Variants in DNM2 observed in about 807,000 individuals in gnomAD.
DNM2 encodes dynamin 2.
In DNM2, 15 loss-of-function variants were observed where a neutral mutation model predicts 99.0. The ratio of observed to expected loss-of-function variants is 0.15; its 90% confidence interval spans 0.10 to 0.23. DNM2 has a LOEUF of 0.23. DNM2 is among the 10% of genes least tolerant of loss of function. The pLI, the probability that DNM2 is intolerant of heterozygous loss-of-function variation, is 1.00. For synonymous variants in DNM2, 525 were observed against 481.2 expected, an observed-to-expected ratio of 1.09 and a Z score of -1.19; for missense variants, 742 against 1,189.4, an observed-to-expected ratio of 0.62 and a Z score of 5.53.
chr19:10,797,114 TCCG>T (rs2071962474), intron 9 of DNM2, among the ~76,000 whole-genome samples: 1 of 152,058 alleles, frequency 6.6e-6, no homozygotes, highest in South Asian at 2.1e-4. Context: ...GTTAGAGGAC[TCCG>T]CACACCTTGG....
chr19:10,733,193 T>G (rs1181281716), intron 1 of DNM2, among the ~76,000 whole-genome samples: 1 of 21,444 alleles, frequency 4.7e-5, no homozygotes, highest in Non-Finnish European at 1.1e-4. Context: ...CTGGTGTGGT[T>G]TTTTTTTTTT....
Position 10,831,173 on chromosome 19 carries a change from C to G in DNM2, c.*126C>G. ...CCCAGTGGGCAGCCCTGGCCTCTTC[C>G]TTAACGCTGGCCCCGGTCCAGGGCC... On this transcript the variant is annotated 3_prime_UTR_variant, in exon 21 of 21. Coordinates refer to ENST00000389253, the MANE Select transcript of DNM2 (RefSeq NM_001005361.3). The surrounding 1 kb of genome is among the most constrained non-coding windows in gnomAD (Gnocchi z 4.3). 7.0e-7 allele frequency: 1 copy of G among 1,426,602 alleles called. No homozygotes were observed. The highest frequency in any genetic ancestry group is 9.2e-7 in the Non-Finnish European group (1 of 1,092,746). 88.4% of individuals were successfully genotyped at this position (1,426,602 alleles called of 1,614,324 possible).
intron 8 of DNM2, among the ~76,000 whole-genome samples, chr19:10,794,103 C>A (rs200795563): frequency 6.6e-6 from 1 of 152,174 alleles, no homozygotes; most frequent in East Asian, 1.9e-4. Context: ...AATATACATT[C>A]TTTGCAAAAT....
intron 1 of DNM2, among the ~76,000 whole-genome samples, chr19:10,756,294 C>T (rs1282822701): frequency 6.6e-6 from 1 of 152,090 alleles, no homozygotes; most frequent in Non-Finnish European, 1.5e-5. Context: ...TATCCCAGCC[C>T]CCAACCCCTC....
At position 10,750,479 on chromosome 19, in the gene DNM2, T is replaced by TAA. The variant is rs576439938; in HGVS notation, c.162-9248_162-9247dup. Reference sequence around the variant, plus strand: ...GGGCAATATAGGAAGATGCCATCTCTAAAAAAAAAAAATTAGCCAAGCATG... The same window carrying TAA: ...GGGCAATATAGGAAGATGCCATCTCTAAAAAAAAAAAAAATTAGCCAAGCATG... On this transcript the variant is annotated intron_variant, in intron 1 of 20. Transcript: ENST00000389253. Among the ~76,000 whole-genome samples, 178 of 143,456 alleles carry TAA rather than the reference T, an allele frequency of 1.2e-3. 2 individuals are homozygous for TAA. The highest frequency in any genetic ancestry group is 4.5e-3 in the African/African-American group (175 of 39,240). The allele number at this position is 143,456 out of a possible 152,430, so 94.1% of individuals were successfully genotyped here.
intron 13 of DNM2, 63 bp from the exon 14 acceptor site, chr19:10,808,506 A>G (rs2072431895): frequency 1.3e-6 from 2 of 1,585,282 alleles, no homozygotes; most frequent in Non-Finnish European, 1.7e-6. Context: ...CGTCCCTTCC[A>G]TCTCTTTTCC....
At chr19:10,767,744 A>G (rs2070845434) in intron 2 of DNM2, among the ~76,000 whole-genome samples, 1 of 152,164 alleles carries the variant, frequency 6.6e-6, no homozygotes, top group Non-Finnish European at 1.5e-5. Context: ...CATCTTTACT[A>G]AAAATATACA....
intron 17 of DNM2, 150 bp downstream of exon 17, chr19:10,824,049 G>C: frequency 1.4e-6 from 1 of 710,836 alleles, no homozygotes; most frequent in South Asian, 1.6e-5. Context: ...AAGCAAAGGA[G>C]AAATTGGGGG....
chr19:10,803,318 G>A (rs1481957680), intron 12 of DNM2, among the ~76,000 whole-genome samples: 1 of 152,128 alleles, frequency 6.6e-6, no homozygotes, highest in African/African-American at 2.4e-5. Flanking sequence ...GATCTGTTCC[G>A]TGCTGGGCAC....
rs377534459 is a variant in DNM2, at chr19:10,741,770, C to T, written c.162-17968C>T. On this transcript the variant is annotated intron_variant, in intron 1 of 20. Coordinates refer to ENST00000389253, the MANE Select transcript of DNM2 (RefSeq NM_001005361.3). ...GTTTCACCGTGTTAGCCAGGATGGTCTCTATCTCCTGACCTTGTGATCCAC... is the reference window on the plus strand; with the variant it reads ...GTTTCACCGTGTTAGCCAGGATGGTTTCTATCTCCTGACCTTGTGATCCAC... Among the ~76,000 whole-genome samples the T allele has an allele frequency of 1.3e-3, 200 of 151,706 alleles. 1 individual carries two copies. The highest frequency in any genetic ancestry group is 4.8e-3 in the African/African-American group (197 of 41,348).
intron 1 of DNM2, among the ~76,000 whole-genome samples, chr19:10,732,184 C>A (rs927318609): frequency 6.6e-6 from 1 of 150,858 alleles, no homozygotes; most frequent in Non-Finnish European, 1.5e-5. Flanking sequence ...AACTCCTGAC[C>A]TCAGGTTATC....
intron 2 of DNM2, among the ~76,000 whole-genome samples, chr19:10,766,702 CCT>C (rs1352235624): frequency 6.6e-6 from 1 of 151,960 alleles, no homozygotes; most frequent in African/African-American, 2.4e-5. Context: ...GGAGGCAGAA[CCT>C]CTCTCTGGAA....
chr19:10,761,082 G>A (rs2070613783), intron 2 of DNM2, among the ~76,000 whole-genome samples: 1 of 151,860 alleles, frequency 6.6e-6, no homozygotes, highest in Non-Finnish European at 1.5e-5. Context: ...TCCGCCTCCT[G>A]GGTTCAAGCG....
chr19:10,747,257 G>A (rs988170207), intron 1 of DNM2, among the ~76,000 whole-genome samples: 1 of 152,082 alleles, frequency 6.6e-6, no homozygotes, highest in African/African-American at 2.4e-5. Context: ...CTCTGAGGCA[G>A]GTGGCATCAT....
In DNM2 at chr19:10,772,162, C is replaced by T. The variant is rs942945739; in HGVS notation, c.236-317C>T. Among the ~76,000 whole-genome samples the T allele has an allele frequency of 6.6e-6, 1 of 151,916 alleles. No homozygotes were observed. The highest frequency in any genetic ancestry group is 1.5e-5 in the Non-Finnish European group (1 of 68,012). ...TGGCGCAATCTCGGCTCACTACAACCTCCGCCTCCCGGGTTCAAGCAATTA... is the reference window on the plus strand; with the variant it reads ...TGGCGCAATCTCGGCTCACTACAACTTCCGCCTCCCGGGTTCAAGCAATTA... On this transcript the variant is annotated intron_variant, in intron 2 of 20. Transcript: ENST00000389253. This position sits in a 1 kb window ranked among gnomAD's most constrained non-coding sequence, Gnocchi z 4.9.
At position 10,739,167 on chromosome 19, in the gene DNM2, C is replaced by T. The variant is rs376670588; in HGVS notation, c.162-20571C>T. 4.9e-4 allele frequency among the ~76,000 whole-genome samples: 74 copies of T among 152,142 alleles called. 1 individual carries two copies. In the South Asian group the frequency reaches 7.0e-3, roughly 14 times the overall value. ...CAGCCTGGGCGACAGAGCGAGACTC[C>T]GTCTCAAAAATAAATAAATAAATAA... is the stretch of plus-strand genomic sequence containing the variant. On this transcript the variant is annotated intron_variant, in intron 1 of 20. Coordinates refer to ENST00000389253, the MANE Select transcript of DNM2 (RefSeq NM_001005361.3).
chr19:10,757,495 C>G (rs1008821409), intron 1 of DNM2, among the ~76,000 whole-genome samples: 2 of 152,188 alleles, frequency 1.3e-5, no homozygotes, highest in Non-Finnish European at 2.9e-5. Flanking sequence ...GTAGGGCCAC[C>G]TGCCAGCTGG....
intron 7 of DNM2, among the ~76,000 whole-genome samples, chr19:10,790,687 C>T (rs983678206): frequency 2.0e-5 from 3 of 152,094 alleles, no homozygotes; most frequent in South Asian, 2.1e-4. Context: ...AGGCTGGTGT[C>T]GAACTCCTGA....
At chr19:10,734,982 G>C (rs1335740073) in intron 1 of DNM2, among the ~76,000 whole-genome samples, 1 of 151,602 alleles carries the variant, frequency 6.6e-6, no homozygotes, top group Admixed American at 6.6e-5. Flanking sequence ...TGTGAGTTTT[G>C]GGGAAGAAGG....
Sources: gnomAD v4.1 joint callset for allele counts (sites outside exome capture counted in the v4.1 genomes callset) on GRCh38, gnomAD v4.1.1 for gene constraint, Gnocchi (gnomAD v3.1) non-coding constraint, MANE v1.5 for transcripts, NCBI Gene and HGNC (gene_info 2026-07-23, HGNC 2026-07-21) for gene names.